LTBR: variants seen among roughly 807,000 people sequenced by gnomAD.
The protein encoded by LTBR is lymphotoxin beta receptor, also known as tumor necrosis factor receptor superfamily member 3.
In LTBR, 15 loss-of-function variants were observed where a neutral mutation model predicts 45.4. That is an observed-to-expected ratio of 0.33 (90% confidence interval 0.22 to 0.51). LTBR has a LOEUF of 0.51. LTBR is among the 20% of genes least tolerant of loss of function. The probability of loss-of-function intolerance (pLI) is 0.97; values close to 1 mark genes in which losing one functional copy is unlikely to be tolerated. For synonymous variants in LTBR, 228 were observed against 231.0 expected, an observed-to-expected ratio of 0.99 and a Z score of 0.12; for missense variants, 450 against 565.5, an observed-to-expected ratio of 0.80 and a Z score of 2.07.
At position 6,384,821 on chromosome 12, in the gene LTBR, G is replaced by A. The variant is rs1592097983; in HGVS notation, c.193+137G>A. 1.3e-5 allele frequency: 13 copies of A among 1,017,458 alleles called. No individual in the cohort carries two copies. In the East Asian group the frequency reaches 3.0e-4, roughly 24 times the overall value. The allele number at this position is 1,017,458 out of a possible 1,614,324, so 63.0% of individuals were successfully genotyped here. On this transcript the variant is annotated intron_variant, in intron 2 of 9. Coordinates refer to ENST00000228918, the MANE Select transcript of LTBR (RefSeq NM_002342.3). Reference sequence around the variant, plus strand: ...CTGGAGACGAGCGTGGGAAACCCTGGACATCACGTGGAGGAGATGGGACTG... The same window carrying A: ...CTGGAGACGAGCGTGGGAAACCCTGAACATCACGTGGAGGAGATGGGACTG...
intron 6 of LTBR, chr12:6,387,894 T>A: frequency 4.4e-6 from 2 of 454,652 alleles, no homozygotes; most frequent in Non-Finnish European, 8.8e-6. Context: ...CTCTCACCCC[T>A]GTAAACACCC....
At chr12:6,379,913 G>A (rs1431842952), upstream of LTBR, among the ~76,000 whole-genome samples, 2 of 116,622 alleles carry the variant, frequency 1.7e-5, no homozygotes, top group Non-Finnish European at 3.3e-5. Flanking sequence ...CAGCCTGGGA[G>A]ACAAAGCAAG....
intron 1 of LTBR, chr12:6,377,214 G>A: frequency 6.5e-7 from 1 of 1,532,848 alleles, no homozygotes; most frequent in Non-Finnish European, 8.8e-7. Context: ...GTGAAAGCCG[G>A]TGTCAACCAG....
In LTBR at chr12:6,390,370, G is replaced by A. The variant is rs901602769; in HGVS notation, c.1030+30G>A. 16 of 1,533,990 alleles carry A rather than the reference G, an allele frequency of 1.0e-5. No individual in the cohort carries two copies. In the African/African-American group the frequency reaches 1.5e-4, roughly 14 times the overall value. On this transcript the variant is annotated intron_variant, in intron 9 of 9. Coordinates refer to ENST00000228918, the MANE Select transcript of LTBR (RefSeq NM_002342.3). ...GCCTGGGGCAGGGAGAAGAGAGGAA[G>A]GATGGGGAGGGAGGGATGGCTGGCA...
In LTBR at chr12:6,390,108, G is replaced by T. The variant is rs886168809; in HGVS notation, c.802-4G>T. ...TTGTTTGGGTCTCCATCTCTTTCCT[G>T]CAGGGAGAGGGACCCAATCCTGTAG... On this transcript the variant is annotated splice_polypyrimidine_tract_variant and splice_region_variant and intron_variant, in intron 8 of 9. Transcript: ENST00000228918. 6.8e-6 allele frequency: 11 copies of T among 1,608,420 alleles called. No individual in the cohort carries two copies. Among genetic ancestry groups the T allele is most frequent in the African/African-American group, 1.3e-5 (1 of 74,748 alleles).
At chr12:6,390,035 AG>A in intron 8 of LTBR, 76 bp from the exon 9 acceptor site, 1 of 861,834 alleles carries the variant, frequency 1.2e-6, no homozygotes, top group Non-Finnish European at 1.9e-6. Context: ...AAAGAGAGAA[AG>A]AAGAGGGAGG....
At position 6,388,536 on chromosome 12, in the gene LTBR, G is replaced by A. The variant is rs373340977; in HGVS notation, c.775+31G>A. On this transcript the variant is annotated intron_variant, in intron 7 of 9. Coordinates refer to ENST00000228918, the MANE Select transcript of LTBR (RefSeq NM_002342.3). The surrounding 1 kb of genome is among the most constrained non-coding windows in gnomAD (Gnocchi z 4.3). Reference sequence around the variant, plus strand: ...AAAGGGTTGGATGCAGTGGATGGTTGGCAATGGGAGCCGGAGGGAGGAATA... The same window carrying A: ...AAAGGGTTGGATGCAGTGGATGGTTAGCAATGGGAGCCGGAGGGAGGAATA... 9 of 1,578,234 alleles carry A rather than the reference G, an allele frequency of 5.7e-6. No individual in the cohort carries two copies. The African/African-American group carries it at 8.1e-5, about 14-fold the overall frequency.
chr12:6,390,624 C>A (rs1949102530), intron 9 of LTBR, 36 bp from the exon 10 acceptor site: 2 of 1,496,164 alleles, frequency 1.3e-6, no homozygotes, highest in South Asian at 2.9e-5. Context: ...GAACTGGGGG[C>A]CTTCCTTCCT....
At chr12:6,381,697 G>A (rs536229684), upstream of LTBR, among the ~76,000 whole-genome samples, 4 of 152,312 alleles carry the variant, frequency 2.6e-5, no homozygotes, top group African/African-American at 7.2e-5. Context: ...TTCTGGGGCC[G>A]GGTGCCGTGG....
upstream of LTBR, among the ~76,000 whole-genome samples, chr12:6,379,889 G>A (rs1053917734): frequency 2.0e-5 from 3 of 147,592 alleles, no homozygotes; most frequent in African/African-American, 5.0e-5. Context: ...AGCCAAGATC[G>A]TGCCACTGCA....
chr12:6,384,699 C>T lies in LTBR; in HGVS notation c.193+15C>T. 2 of 1,611,420 alleles carry T rather than the reference C, an allele frequency of 1.2e-6. No homozygotes were observed. Among genetic ancestry groups the T allele is most frequent in the Non-Finnish European group, 1.7e-6 (2 of 1,177,598 alleles). On this transcript the variant is annotated intron_variant, in intron 2 of 9. Transcript: ENST00000228918. Reference sequence around the variant, plus strand: ...CTGCCCGCCAGGTGAGAGGCAATGGCAGGACGAACCTGGGCCTCGGAAGTG... The same window carrying T: ...CTGCCCGCCAGGTGAGAGGCAATGGTAGGACGAACCTGGGCCTCGGAAGTG...
At chr12:6,375,412 G>T, upstream of LTBR, 1 of 1,518,622 alleles carries the variant, frequency 6.6e-7, no homozygotes, top group Non-Finnish European at 8.8e-7. Context: ...GGAGGTCTGG[G>T]CTGCCTCCAG....
At chr12:6,381,921 G>A (rs1948988799), upstream of LTBR, among the ~76,000 whole-genome samples, 2 of 152,172 alleles carry the variant, frequency 1.3e-5, no homozygotes, top group South Asian at 2.1e-4. Flanking sequence ...GTAGTGAGCC[G>A]AGATTGCACC....
Position 6,388,150 on chromosome 12 carries a change from A to C in LTBR, c.668-248A>C, listed in dbSNP as rs902480578. On this transcript the variant is annotated intron_variant, in intron 6 of 9. Transcript: ENST00000228918. This position sits in a 1 kb window ranked among gnomAD's most constrained non-coding sequence, Gnocchi z 4.3. ...GAGGGCACCCACACCACCCCCAAACATGCCCATCCATGATACAGTCTCTCC... is the reference window on the plus strand; with the variant it reads ...GAGGGCACCCACACCACCCCCAAACCTGCCCATCCATGATACAGTCTCTCC... 2.1e-6 allele frequency: 1 copy of C among 479,878 alleles called. No individual in the cohort carries two copies. The highest frequency in any genetic ancestry group is 3.3e-5 in the Admixed American group (1 of 30,122). The allele number at this position is 479,878 out of a possible 1,614,324, so 29.7% of individuals were successfully genotyped here.
In LTBR at chr12:6,386,218, C is replaced by A; in HGVS notation, c.569+56C>A. 2.0e-6 allele frequency: 3 copies of A among 1,522,184 alleles called. No homozygotes were observed. The highest frequency in any genetic ancestry group is 2.7e-6 in the Non-Finnish European group (3 of 1,097,860). The allele number at this position is 1,522,184 out of a possible 1,614,324, so 94.3% of individuals were successfully genotyped here. A position where few individuals can be genotyped will look rare whatever the true frequency, so the allele number is the denominator to read the frequency against. On this transcript the variant is annotated intron_variant, in intron 5 of 9. Transcript: ENST00000228918. This position sits in a 1 kb window ranked among gnomAD's most constrained non-coding sequence, Gnocchi z 4.1. Reference sequence around the variant, plus strand: ...CCCTCTGAGAAGCCTCAGCTGCTAACAACCCCCAGCGCCTATCCTTGACAC... The same window carrying A: ...CCCTCTGAGAAGCCTCAGCTGCTAAAAACCCCCAGCGCCTATCCTTGACAC...
chr12:6,375,440 G>T, exon 1 of LTBR: 1 of 1,534,394 alleles, frequency 6.5e-7, no homozygotes, highest in African/African-American at 1.4e-5. Context: ...CTCCCAGGTT[G>T]CGGCTGGACT....
Position 6,390,102 on chromosome 12 carries a change from T to G in LTBR, c.802-10T>G, listed in dbSNP as rs1368071899. ...TCATCATTGTTTGGGTCTCCATCTC[T>G]TTCCTGCAGGGAGAGGGACCCAATC... On this transcript the variant is annotated splice_polypyrimidine_tract_variant and intron_variant, in intron 8 of 9. Coordinates refer to ENST00000228918, the MANE Select transcript of LTBR (RefSeq NM_002342.3). 3 of 1,604,796 alleles carry G rather than the reference T, an allele frequency of 1.9e-6. No individual in the cohort carries two copies. Among genetic ancestry groups the G allele is most frequent in the South Asian group, 1.1e-5 (1 of 90,906 alleles).
Position 6,384,424 on chromosome 12 carries a change from C to A in LTBR, c.66C>A (p.Phe22Leu), listed in dbSNP as rs1249001383. The stretch of plus-strand genomic sequence containing the variant: ...GGGGGCCTCTGGTGCTGGGCCTCTT[C>A]GGGCTCCTGGCAGCATCGCAGCCCC... The part of the protein sequence containing the change: ...LAWGPLVLGL[F>L]GLLAASQPQA... Residue 22 changes from phenylalanine to leucine, a missense_variant, in exon 1 of 10, where the codon TTC (phenylalanine) becomes TTA (leucine). Physicochemically the swap from Phe to Leu is conservative, Grantham distance 22. This residue lies in a region of LTBR where 367 missense variants were observed against 435.4 expected (regional missense o/e 0.84). Coordinates refer to ENST00000228918, the MANE Select transcript of LTBR (RefSeq NM_002342.3). 1 of 1,546,722 alleles carries A rather than the reference C, an allele frequency of 6.5e-7. No individual in the cohort carries two copies. The highest frequency in any genetic ancestry group is 8.7e-7 in the Non-Finnish European group (1 of 1,149,284).
chr12:6,387,993 C>A (rs1382025565), intron 6 of LTBR: 1 of 362,210 alleles, frequency 2.8e-6, no homozygotes, highest in Non-Finnish European at 5.5e-6. Context: ...GTGGCTCTAG[C>A]CTGTGTCTGT....
Sources: allele counts gnomAD v4.1 joint callset (sites outside exome capture counted in the v4.1 genomes callset), GRCh38; gene constraint gnomAD v4.1.1; regional missense constraint gnomAD v4.1.1; non-coding constraint Gnocchi (gnomAD v3.1); transcripts MANE v1.5; gene names NCBI Gene and HGNC (gene_info 2026-07-23, HGNC 2026-07-21).